LYPLAL1: variants seen among roughly 807,000 people sequenced by gnomAD.
The protein encoded by LYPLAL1 is lysophospholipase like 1, also known as lysophospholipase-like protein 1.
Under a neutral mutation model 19.7 loss-of-function variants are expected in LYPLAL1, and 23 were observed. That is an observed-to-expected ratio of 1.17 (90% CI 0.84 to 1.65). LYPLAL1 has a LOEUF of 1.65. Among genes scored for constraint, LYPLAL1 ranks in the 40% most tolerant of loss-of-function variants. The pLI is 0.00. For synonymous variants in LYPLAL1, 119 were observed against 96.3 expected (o/e 1.24, Z -1.38); for missense variants, 355 against 279.4 (o/e 1.27, Z -1.93).
chr1:219,299,943 C>T, the LYPLAL1 span, among the ~76,000 whole-genome samples: 2 of 152,172 alleles, frequency 1.3e-5, no homozygotes, highest in Non-Finnish European at 2.9e-5. Flanking sequence ...ATGTGGGACT[C>T]AACCTACCAG....
chr1:219,402,855 G>T, the LYPLAL1 span, among the ~76,000 whole-genome samples: 1 of 152,036 alleles, frequency 6.6e-6, no homozygotes, highest in South Asian at 2.1e-4. Context: ...CTAAGAAAAG[G>T]GTTATTATGT....
chr1:219,273,831 G>A, the LYPLAL1 span, among the ~76,000 whole-genome samples: 2 of 151,856 alleles, frequency 1.3e-5, no homozygotes, highest in African/African-American at 4.8e-5. Context: ...GCAAGATCTC[G>A]GCTCACTGCA....
At chr1:219,374,068 T>G in the LYPLAL1 span, among the ~76,000 whole-genome samples, 2 of 151,918 alleles carry the variant, frequency 1.3e-5, no homozygotes, top group Non-Finnish European at 2.9e-5. Flanking sequence ...AAGTTTCCAC[T>G]TTTTTCTACT....
chr1:219,245,444 C>G, the LYPLAL1 span, among the ~76,000 whole-genome samples: 8 of 152,198 alleles, frequency 5.3e-5, no homozygotes, highest in South Asian at 1.2e-3. Flanking sequence ...GCTAAGGAAT[C>G]CCTTAGCAAC....
the LYPLAL1 span, among the ~76,000 whole-genome samples, chr1:219,267,726 G>A: frequency 2.0e-5 from 3 of 152,174 alleles, no homozygotes; most frequent in Admixed American, 2.0e-4. Flanking sequence ...TAAGTAATTT[G>A]CCCAAGATCA....
chr1:219,370,081 G>A, the LYPLAL1 span, among the ~76,000 whole-genome samples: 1 of 152,200 alleles, frequency 6.6e-6, no homozygotes, highest in Non-Finnish European at 1.5e-5. Flanking sequence ...ATAGAAGCAA[G>A]AATTGCCTTT....
chr1:219,196,792 TAAGGA>T (rs1246480593), intron 3 of LYPLAL1, among the ~76,000 whole-genome samples: 10 of 152,140 alleles, frequency 6.6e-5, no homozygotes, highest in Admixed American at 6.5e-4. Context: ...ATAAGCAACT[TAAGGA>T]AAGTCTCAGG....
chr1:219,234,276 A>C, the LYPLAL1 span, among the ~76,000 whole-genome samples: 2 of 152,192 alleles, frequency 1.3e-5, no homozygotes, highest in African/African-American at 4.8e-5. Flanking sequence ...TTTGCTTCAA[A>C]TCAAAATCAT....
the LYPLAL1 span, among the ~76,000 whole-genome samples, chr1:219,270,416 C>T: frequency 6.6e-6 from 1 of 152,252 alleles, no homozygotes; most frequent in African/African-American, 2.4e-5. Context: ...TTACATAGGG[C>T]ATGAAAAATT....
chr1:219,255,284 T>C, the LYPLAL1 span, among the ~76,000 whole-genome samples: 3 of 151,900 alleles, frequency 2.0e-5, no homozygotes, highest in African/African-American at 7.2e-5. Context: ...ATAATGTTTT[T>C]GATTTTTTAA....
the LYPLAL1 span, among the ~76,000 whole-genome samples, chr1:219,379,086 A>G: frequency 3.3e-5 from 5 of 152,220 alleles, no homozygotes; most frequent in African/African-American, 1.2e-4. Context: ...TGTTTGTCCT[A>G]TACTTTAAGT....
the LYPLAL1 span, among the ~76,000 whole-genome samples, chr1:219,430,147 A>G: frequency 6.6e-6 from 1 of 152,022 alleles, no homozygotes; most frequent in Non-Finnish European, 1.5e-5. Flanking sequence ...TAGAAAAATT[A>G]GCTGGATGTG....
intron 1 of LYPLAL1, among the ~76,000 whole-genome samples, chr1:219,178,662 TTAAAA>T (rs1656014545): frequency 1.3e-5 from 2 of 152,182 alleles, no homozygotes; most frequent in African/African-American, 4.8e-5. Flanking sequence ...TTTTTTCAAG[TTAAAA>T]TAAAATTACA....
chr1:219,380,663 C>T, the LYPLAL1 span, among the ~76,000 whole-genome samples: 378 of 152,320 alleles, frequency 2.5e-3, 1 homozygote, highest in African/African-American at 8.2e-3. Flanking sequence ...CTGAGCATTG[C>T]ACAATGGTCT....
chr1:219,241,138 A>C, the LYPLAL1 span, among the ~76,000 whole-genome samples: 3,440 of 71,826 alleles, frequency 0.048, 53 homozygotes, highest in East Asian at 0.071. Context: ...CTCTCTCTAT[A>C]TATATATATA....
intron 1 of LYPLAL1, 76 bp from the exon 2 acceptor site, chr1:219,179,071 T>A: frequency 1.0e-6 from 1 of 967,516 alleles, no homozygotes; most frequent in South Asian, 1.7e-5. Context: ...CTGTGTGACA[T>A]AAAAGTTTTA....
rs1655624433 is a variant in LYPLAL1, at chr1:219,174,294, A to G, written c.91+313A>G. 2.4e-6 allele frequency: 3 copies of G among 1,240,010 alleles called. No homozygotes were observed. The South Asian group carries it at 6.0e-5, about 25-fold the overall frequency. 76.8% of individuals were successfully genotyped at this position (1,240,010 alleles called of 1,614,324 possible). A position where few individuals can be genotyped will look rare whatever the true frequency, so the allele number is the denominator to read the frequency against. On this transcript the variant is annotated intron_variant, in intron 1 of 4. Coordinates refer to ENST00000366928, the MANE Select transcript of LYPLAL1 (RefSeq NM_138794.5). ...TCCTCGCCCCAAGTTTAAACAGAGC[A>G]AGTTAGTAAGGTAAGTCTTCTGCTA... is the stretch of plus-strand genomic sequence containing the variant.
chr1:219,329,624 G>T, the LYPLAL1 span, among the ~76,000 whole-genome samples: 1 of 152,186 alleles, frequency 6.6e-6, no homozygotes, highest in South Asian at 2.1e-4. Context: ...GCATGAGTGG[G>T]TTTTCTCTGG....
At chr1:219,229,566 C>T in the LYPLAL1 span, among the ~76,000 whole-genome samples, 8 of 152,338 alleles carry the variant, frequency 5.3e-5, no homozygotes, top group South Asian at 2.1e-4. Context: ...TCTCTCTGTC[C>T]TAGCGACAAG....
Sources: allele counts gnomAD v4.1 joint callset (sites outside exome capture counted in the v4.1 genomes callset), GRCh38; gene constraint gnomAD v4.1.1; transcripts MANE v1.5; gene names NCBI Gene and HGNC (gene_info 2026-07-23, HGNC 2026-07-21).